Variants in PRIM2 observed in about 807,000 individuals in gnomAD.
PRIM2 encodes DNA primase large subunit.
A neutral mutation model predicts 67.3 loss-of-function variants in PRIM2; 39 were observed. The ratio of observed to expected loss-of-function variants is 0.58; its 90% CI spans 0.45 to 0.76. PRIM2 has a LOEUF of 0.76. Among genes scored for constraint, PRIM2 ranks in the 30% least tolerant of loss-of-function variants. The pLI, the probability that PRIM2 is intolerant of heterozygous loss-of-function variation, is 0.00. For missense variants in PRIM2, 398 were observed against 598.7 expected (o/e 0.66, Z 3.50); for synonymous variants, 143 against 198.7 (o/e 0.72, Z 2.36).
In PRIM2 at chr6:57,345,506, G is replaced by GTGTGTGTGTGTGTGTGTGTGTACA. The variant is rs369673115; in HGVS notation, c.459+19462_459+19463insGTGTGTGTGTGTGTGTGTGTACAT. Among the ~76,000 whole-genome samples, 758 of 122,100 alleles carry GTGTGTGTGTGTGTGTGTGTGTACA rather than the reference G, an allele frequency of 6.2e-3. 12 individuals carry two copies. Among genetic ancestry groups the GTGTGTGTGTGTGTGTGTGTGTACA allele is most frequent in the African/African-American group, 0.022 (665 of 30,002 alleles). 80.1% of individuals were successfully genotyped at this position (122,100 alleles called of 152,430 possible). A position where few individuals can be genotyped will look rare whatever the true frequency, so the allele number is the denominator to read the frequency against. On this transcript the variant is annotated intron_variant, in intron 5 of 13. Coordinates refer to ENST00000615550, the MANE Select transcript of PRIM2 (RefSeq NM_000947.5). ...TGTGTGTGTGTGTGTGTGTGTGTGTGTACATACATATATATTTATATCCTC... is the reference window on the plus strand; with the variant it reads ...TGTGTGTGTGTGTGTGTGTGTGTGTGTGTGTGTGTGTGTGTGTGTGTACATACATACATATATATTTATATCCTC...
chr6:57,482,168 T>G (rs1489220406), intron 7 of PRIM2, among the ~76,000 whole-genome samples: 1 of 152,150 alleles, frequency 6.6e-6, no homozygotes, highest in African/African-American at 2.4e-5. Flanking sequence ...ATTTTTTTTT[T>G]TTTTTGTAAT....
At chr6:57,562,867 C>T (rs1463566076) in intron 10 of PRIM2, among the ~76,000 whole-genome samples, 15 of 152,318 alleles carry the variant, frequency 9.8e-5, no homozygotes, top group African/African-American at 3.1e-4. Flanking sequence ...CCAGTTTGTA[C>T]TGCCACAATA....
chr6:57,553,602 T>A (rs1269586681), intron 10 of PRIM2, among the ~76,000 whole-genome samples: 1 of 151,938 alleles, frequency 6.6e-6, no homozygotes, highest in Non-Finnish European at 1.5e-5. Flanking sequence ...TTTGCCAACA[T>A]TGCATGCACT....
intron 7 of PRIM2, among the ~76,000 whole-genome samples, chr6:57,458,064 A>C (rs1399581645): frequency 8.5e-5 from 13 of 152,070 alleles, no homozygotes; most frequent in Admixed American, 7.2e-4. Context: ...CACATTCCTG[A>C]GAGAATCTGT....
chr6:57,321,052 CCAG>C (rs1767638354), intron 3 of PRIM2, among the ~76,000 whole-genome samples: 4 of 152,088 alleles, frequency 2.6e-5, no homozygotes, highest in Admixed American at 2.6e-4. Context: ...AAGATGACTG[CCAG>C]CAGCAGATTG....
intron 5 of PRIM2, among the ~76,000 whole-genome samples, chr6:57,337,514 C>T (rs1179391073): frequency 6.6e-6 from 1 of 151,900 alleles, no homozygotes; most frequent in Non-Finnish European, 1.5e-5. Flanking sequence ...AACTATCTCT[C>T]AGACCACAGT....
chr6:57,612,809 T>TA (rs1475296552), intron 12 of PRIM2, among the ~76,000 whole-genome samples: 20 of 148,874 alleles, frequency 1.3e-4, no homozygotes, highest in African/African-American at 2.7e-4. Flanking sequence ...TTTTTTTTTT[T>TA]AAATAGACAG....
At chr6:57,537,882 A>G (rs1473895724) in intron 10 of PRIM2, among the ~76,000 whole-genome samples, 2 of 152,212 alleles carry the variant, frequency 1.3e-5, no homozygotes, top group South Asian at 2.1e-4. Flanking sequence ...TCAGAGTTAT[A>G]TATCTGTAGG....
intron 9 of PRIM2, among the ~76,000 whole-genome samples, chr6:57,536,159 A>C (rs1774998725): frequency 6.6e-6 from 1 of 152,224 alleles, no homozygotes. Flanking sequence ...CTAGATGGTC[A>C]CTAGAGGGAG....
the PRIM2 span, among the ~76,000 whole-genome samples, chr6:57,258,836 A>G: frequency 2.6e-5 from 4 of 152,158 alleles, no homozygotes; most frequent in Admixed American, 6.5e-5. Context: ...CTCCGCTCCC[A>G]GAACCTGGAC....
intron 10 of PRIM2, among the ~76,000 whole-genome samples, chr6:57,548,066 T>C (rs1381899131): frequency 1.3e-5 from 2 of 152,190 alleles, no homozygotes; most frequent in Admixed American, 1.3e-4. Context: ...ACACTAAAGA[T>C]TCAGAACCAC....
At chr6:57,319,814 A>G (rs182834473) in intron 2 of PRIM2, among the ~76,000 whole-genome samples, 116 of 152,250 alleles carry the variant, frequency 7.6e-4, no homozygotes, top group Admixed American at 2.7e-3. Flanking sequence ...AGGGGAGGAT[A>G]ATTAATTTGG....
At chr6:57,393,948 C>T (rs1395205229) in intron 7 of PRIM2, among the ~76,000 whole-genome samples, 3 of 151,578 alleles carry the variant, frequency 2.0e-5, no homozygotes, top group East Asian at 1.9e-4. Flanking sequence ...TTTTTGTTTG[C>T]TTTGTTGAAG....
the PRIM2 span, among the ~76,000 whole-genome samples, chr6:57,252,120 T>C: frequency 6.6e-6 from 1 of 152,234 alleles, no homozygotes. Flanking sequence ...CCTTCCTTAA[T>C]TGTATTCAAA....
the PRIM2 span, among the ~76,000 whole-genome samples, chr6:57,239,127 A>C: frequency 6.6e-6 from 1 of 152,022 alleles, no homozygotes; most frequent in South Asian, 2.1e-4. Context: ...AGTAGCTGGG[A>C]CTACAGGCGT....
the PRIM2 span, among the ~76,000 whole-genome samples, chr6:57,233,816 C>A: frequency 6.6e-6 from 1 of 151,936 alleles, no homozygotes; most frequent in Non-Finnish European, 1.5e-5. Context: ...TACTACAGCA[C>A]AACTAATTTT....
intron 5 of PRIM2, among the ~76,000 whole-genome samples, chr6:57,336,879 T>C (rs908706410): frequency 2.6e-5 from 4 of 152,144 alleles, no homozygotes; most frequent in African/African-American, 7.2e-5. Flanking sequence ...TAAATGTAAA[T>C]GGACTAAATG....
rs200152618 is a variant in PRIM2, at chr6:57,382,096, T to G, written c.621T>G (p.Ala207=). The G allele has an allele frequency of 1.9e-6, 3 of 1,613,282 alleles. No homozygotes were observed. The highest frequency in any genetic ancestry group is 2.5e-6 in the Non-Finnish European group (3 of 1,179,490). The change falls in exon 7 of 14, where the codon GCT becomes GCG. Residue 207 remains alanine, a synonymous_variant. Transcript: ENST00000615550. The stretch of plus-strand genomic sequence containing the variant: ...AAGTCTATTTGGAAGATGGCTTTGC[T>G]TACGTACCACTTAAGGACATTGTGG... The part of the protein sequence containing the change: ...GRKVYLEDGF[A]YVPLKDIVAI...
At chr6:57,372,066 G>A (rs1415681946) in intron 5 of PRIM2, among the ~76,000 whole-genome samples, 6 of 152,198 alleles carry the variant, frequency 3.9e-5, no homozygotes, top group African/African-American at 1.4e-4. Flanking sequence ...TACAATGAGT[G>A]TTGATTATCT....
Sources: gnomAD v4.1 joint callset for allele counts (sites outside exome capture counted in the v4.1 genomes callset) on GRCh38, gnomAD v4.1.1 for gene constraint, MANE v1.5 for transcripts, NCBI Gene and HGNC (gene_info 2026-07-23, HGNC 2026-07-21) for gene names.